TNIK: variants seen among roughly 807,000 people sequenced by gnomAD.
The protein encoded by TNIK is TRAF2 and NCK interacting kinase.
Under a neutral mutation model 191.3 loss-of-function variants are expected in TNIK, and 49 were observed. The ratio of observed to expected loss-of-function variants is 0.26; its 90% CI spans 0.20 to 0.32. The LOEUF (loss-of-function observed/expected upper bound fraction) is 0.32, where lower values mean the gene tolerates loss of function less well. Among genes scored for constraint, TNIK ranks in the 10% least tolerant of loss-of-function variants. TNIK has a pLI of 1.00. For missense variants in TNIK, 1,155 were observed against 1,702.3 expected (o/e 0.68, Z 5.66); for synonymous variants, 594 against 600.9 (o/e 0.99, Z 0.17).
chr3:171,123,878 A>C (rs16855867), intron 17 of TNIK, among the ~76,000 whole-genome samples, 176 bp from the exon 18 acceptor site: 7,555 of 152,260 alleles, frequency 0.05, 600 homozygotes, highest in African/African-American at 0.17. Flanking sequence ...AAAATCAAAC[A>C]AAGGTCTACT....
intron 11 of TNIK, among the ~76,000 whole-genome samples, chr3:171,158,888 G>A (rs1484488518): frequency 6.6e-6 from 1 of 152,182 alleles, no homozygotes; most frequent in Non-Finnish European, 1.5e-5. Context: ...TCCAGGCAGA[G>A]GGAAAAGCAG....
chr3:171,349,577 A>G (rs2222819), intron 2 of TNIK, among the ~76,000 whole-genome samples: 8,947 of 152,242 alleles, frequency 0.059, 341 homozygotes, highest in East Asian at 0.095. Flanking sequence ...GTGTCACACA[A>G]TTAGATTGTT....
At chr3:171,377,131 C>T (rs759121899) in intron 1 of TNIK, among the ~76,000 whole-genome samples, 41 of 152,154 alleles carry the variant, frequency 2.7e-4, no homozygotes, top group African/African-American at 8.9e-4. Context: ...CAAACTGCTC[C>T]GATAGAGCTG....
chr3:171,205,314 T>G (rs1235604992), intron 4 of TNIK, among the ~76,000 whole-genome samples: 2 of 152,234 alleles, frequency 1.3e-5, no homozygotes, highest in East Asian at 1.9e-4. Context: ...TTCATAGCTT[T>G]TATCTTCATC....
At chr3:171,093,514 C>A (rs1722331087) in intron 23 of TNIK, among the ~76,000 whole-genome samples, 1 of 152,152 alleles carries the variant, frequency 6.6e-6, no homozygotes, top group Admixed American at 6.5e-5. Flanking sequence ...TCAGAGAGAC[C>A]ATTCATTTCT....
At chr3:171,172,270 C>G (rs891527187) in intron 9 of TNIK, among the ~76,000 whole-genome samples, 1 of 152,104 alleles carries the variant, frequency 6.6e-6, no homozygotes, top group African/African-American at 2.4e-5. Context: ...CAATGGCGCC[C>G]CCTTTGGTCA....
intron 1 of TNIK, among the ~76,000 whole-genome samples, chr3:171,385,509 C>G (rs1718606529): frequency 6.6e-6 from 1 of 152,048 alleles, no homozygotes; most frequent in African/African-American, 2.4e-5. Context: ...TCTGCTCTAA[C>G]AAGTCAGACA....
chr3:171,167,328 G>A, intron 9 of TNIK, 58 bp from the exon 10 acceptor site: 1 of 1,577,440 alleles, frequency 6.3e-7, no homozygotes, highest in Non-Finnish European at 8.6e-7. Context: ...AAAAGCAAAT[G>A]TGTAATTTCT....
intron 6 of TNIK, among the ~76,000 whole-genome samples, chr3:171,189,285 A>G (rs1008704134): frequency 3.3e-5 from 5 of 152,150 alleles, no homozygotes; most frequent in Admixed American, 1.3e-4. Flanking sequence ...ATAATATTCC[A>G]TTGTGTGTAT....
At chr3:171,103,252 A>G (rs1723911514) in intron 21 of TNIK, among the ~76,000 whole-genome samples, 1 of 152,170 alleles carries the variant, frequency 6.6e-6, no homozygotes, top group African/African-American at 2.4e-5. Flanking sequence ...TCCATCTGTG[A>G]AAGTGAAAAT....
At chr3:171,283,201 C>G (rs974840784) in intron 2 of TNIK, among the ~76,000 whole-genome samples, 1 of 150,302 alleles carries the variant, frequency 6.7e-6, no homozygotes, top group African/African-American at 2.4e-5. Flanking sequence ...TAGCAACTGA[C>G]CAAATACTCC....
At chr3:171,283,872 C>A (rs1750740196) in intron 2 of TNIK, among the ~76,000 whole-genome samples, 1 of 152,194 alleles carries the variant, frequency 6.6e-6, no homozygotes, top group Non-Finnish European at 1.5e-5. Flanking sequence ...TGTCTCTCAG[C>A]CATCTTCCAG....
chr3:171,131,245 G>A (rs1729214649), intron 15 of TNIK, among the ~76,000 whole-genome samples: 1 of 147,572 alleles, frequency 6.8e-6, no homozygotes, highest in Non-Finnish European at 1.5e-5. Context: ...GGCTGAGGCA[G>A]GAGAATGGCG....
chr3:171,296,723 A>T (rs1752324858), intron 2 of TNIK, among the ~76,000 whole-genome samples: 1 of 152,228 alleles, frequency 6.6e-6, no homozygotes, highest in African/African-American at 2.4e-5. Flanking sequence ...TAAGTAAGGT[A>T]CAAGTCAGTT....
intron 1 of TNIK, among the ~76,000 whole-genome samples, chr3:171,436,936 G>A (rs947812974): frequency 2.0e-5 from 3 of 152,068 alleles, no homozygotes; most frequent in Admixed American, 6.5e-5. Context: ...ATCATTTGGC[G>A]AGGCTGTCAA....
chr3:171,108,179 G>A lies in TNIK; in HGVS notation c.2285-17C>T. ...TACTGTTGGCTAGAGGAAAAAAACA[G>A]AGGACCAAGAAAGAGATGGCCATCA... On this transcript the variant is annotated splice_polypyrimidine_tract_variant and intron_variant, in intron 19 of 32. Coordinates refer to ENST00000436636, the MANE Select transcript of TNIK (RefSeq NM_015028.4). 6.6e-7 allele frequency: 1 copy of A among 1,522,760 alleles called. No homozygotes were observed. Among genetic ancestry groups the A allele is most frequent in the South Asian group, 1.3e-5 (1 of 78,510 alleles). 94.3% of individuals were successfully genotyped at this position (1,522,760 alleles called of 1,614,324 possible).
chr3:171,207,721 T>G (rs1364106244), intron 4 of TNIK, among the ~76,000 whole-genome samples: 2 of 152,154 alleles, frequency 1.3e-5, no homozygotes, highest in African/African-American at 4.8e-5. Flanking sequence ...TTGTTGACAA[T>G]GTAGAAGTCC....
intron 23 of TNIK, among the ~76,000 whole-genome samples, chr3:171,088,579 G>A (rs1332452006): frequency 6.6e-6 from 1 of 152,200 alleles, no homozygotes; most frequent in Non-Finnish European, 1.5e-5. Flanking sequence ...AGAAAAAAAT[G>A]TATGACTTGT....
At chr3:171,198,463 A>G (rs895006265) in intron 4 of TNIK, among the ~76,000 whole-genome samples, 1 of 152,116 alleles carries the variant, frequency 6.6e-6, no homozygotes, top group Admixed American at 6.6e-5. Context: ...GGCACTAGAT[A>G]CTCATGATGG....
Sources: allele counts gnomAD v4.1 joint callset (sites outside exome capture counted in the v4.1 genomes callset), GRCh38; gene constraint gnomAD v4.1.1; transcripts MANE v1.5; gene names NCBI Gene and HGNC (gene_info 2026-07-23, HGNC 2026-07-21).